The following RBM20 variants were observed in gnomAD, a reference collection of about 807,000 sequenced individuals.
RBM20 encodes the protein RNA binding motif protein 20.
In RBM20, 51 loss-of-function variants were observed where a neutral mutation model predicts 110.1. The observed-to-expected ratio is 0.46, with a 90% confidence interval of 0.37 to 0.59. The LOEUF is 0.59. RBM20 is among the 20% of genes least tolerant of loss of function. The pLI is 0.00. For synonymous variants in RBM20, 589 were observed against 618.2 expected, an observed-to-expected ratio of 0.95 and a Z score of 0.70; for missense variants, 1,512 against 1,574.9, an observed-to-expected ratio of 0.96 and a Z score of 0.68.
chr10:110,826,547 C>A (rs1486544190), intron 12 of RBM20, among the ~76,000 whole-genome samples: 2 of 150,336 alleles, frequency 1.3e-5, no homozygotes, highest in African/African-American at 4.9e-5. Context: ...TTCATCTGTA[C>A]TGTTGGGTGG....
At chr10:110,730,646 G>T (rs1454709987) in intron 1 of RBM20, among the ~76,000 whole-genome samples, 1 of 152,256 alleles carries the variant, frequency 6.6e-6, no homozygotes, top group East Asian at 1.9e-4. Flanking sequence ...TCAGCCCTCA[G>T]ACCATGCCAG....
intron 3 of RBM20, among the ~76,000 whole-genome samples, chr10:110,783,636 A>C (rs544644686): frequency 6.6e-6 from 1 of 152,342 alleles, no homozygotes; most frequent in Admixed American, 6.5e-5. Context: ...CCTGGTGGTA[A>C]ATGCTAGGCA....
At chr10:110,737,525 C>T (rs1323564547) in intron 1 of RBM20, among the ~76,000 whole-genome samples, 1 of 152,166 alleles carries the variant, frequency 6.6e-6, no homozygotes, top group Non-Finnish European at 1.5e-5. Flanking sequence ...CAGAACACTA[C>T]CAGCACCCCA....
At chr10:110,689,929 G>A (rs1294633463) in intron 1 of RBM20, among the ~76,000 whole-genome samples, 1 of 152,134 alleles carries the variant, frequency 6.6e-6, no homozygotes, top group Non-Finnish European at 1.5e-5. Flanking sequence ...ACTCATAAAA[G>A]AGATATCTTA....
intron 7 of RBM20, among the ~76,000 whole-genome samples, chr10:110,803,263 T>A (rs181453217): frequency 5.3e-4 from 81 of 152,334 alleles, no homozygotes; most frequent in Non-Finnish European, 1.0e-3. Context: ...GGAAGAGCTA[T>A]GATTAAAACT....
At chr10:110,753,138 C>A (rs966133678) in intron 1 of RBM20, among the ~76,000 whole-genome samples, 2 of 151,546 alleles carry the variant, frequency 1.3e-5, no homozygotes, top group Non-Finnish European at 2.9e-5. Flanking sequence ...GGGGTTTCAC[C>A]ATGTTGGTCA....
chr10:110,652,460 T>C (rs533380022), intron 1 of RBM20, among the ~76,000 whole-genome samples: 1 of 152,356 alleles, frequency 6.6e-6, no homozygotes, highest in African/African-American at 2.4e-5. Flanking sequence ...ACTATTTTTT[T>C]CTTTATCTAT....
rs72836954 is a variant in RBM20 at position 110,833,756 on chromosome 10, G to A, written c.3574-2112G>A. ...AGAGCCATTCTTGTAGTTCTCAAGT[G>A]CATTGGGGTAGACATTGGTTAAGCC... On this transcript the variant is annotated intron_variant, in intron 13 of 13. Coordinates refer to ENST00000369519, the MANE Select transcript of RBM20 (RefSeq NM_001134363.3). Among the ~76,000 whole-genome samples, 276 of 152,330 alleles carry A rather than the reference G, an allele frequency of 1.8e-3. 2 individuals are homozygous for A. Among genetic ancestry groups the A allele is most frequent in the Admixed American group, 5.2e-3 (79 of 15,306 alleles).
At chr10:110,692,752 G>T (rs1288956072) in intron 1 of RBM20, among the ~76,000 whole-genome samples, 1 of 152,010 alleles carries the variant, frequency 6.6e-6, no homozygotes, top group Non-Finnish European at 1.5e-5. Flanking sequence ...TTGCCTAATT[G>T]CCCTGTTTAG....
At chr10:110,809,672 A>C (rs1201733950) in intron 7 of RBM20, among the ~76,000 whole-genome samples, 1 of 152,170 alleles carries the variant, frequency 6.6e-6, no homozygotes, top group Non-Finnish European at 1.5e-5. Context: ...CCCGACTCCC[A>C]GCTTATGCCA....
chr10:110,799,337 G>A (rs149211059), intron 6 of RBM20, among the ~76,000 whole-genome samples: 103 of 152,292 alleles, frequency 6.8e-4, no homozygotes, highest in Middle Eastern at 6.8e-3. Context: ...ACAATGTCTG[G>A]TAACCCTGGG....
intron 7 of RBM20, among the ~76,000 whole-genome samples, chr10:110,802,905 G>A (rs995674265): frequency 1.3e-5 from 2 of 152,224 alleles, no homozygotes; most frequent in Non-Finnish European, 2.9e-5. Flanking sequence ...AGTGAGCTTA[G>A]AAAAGTTGCT....
intron 1 of RBM20, among the ~76,000 whole-genome samples, chr10:110,773,150 G>A (rs1570425): frequency 0.09 from 13,709 of 152,258 alleles, 813 homozygotes; most frequent in Non-Finnish European, 0.13. Flanking sequence ...GGTAGGTTAT[G>A]CATTTGTTCT....
rs556386394 is a variant in RBM20 at position 110,673,311 on chromosome 10, G to A, written c.191+28666G>A. On this transcript the variant is annotated intron_variant, in intron 1 of 13. Coordinates refer to ENST00000369519, the MANE Select transcript of RBM20 (RefSeq NM_001134363.3). ...ACAGCAACCTCTGCTTCTTGGGTTC[G>A]AGCAATTCTCCTGCCTCAGCTTCCC... Among the ~76,000 whole-genome samples the A allele has an allele frequency of 3.3e-4, 50 of 151,778 alleles. 3 individuals carry two copies. In the South Asian group the frequency reaches 8.1e-3, roughly 25 times the overall value.
intron 1 of RBM20, among the ~76,000 whole-genome samples, chr10:110,701,674 A>G (rs1862759281): frequency 6.6e-6 from 1 of 152,190 alleles, no homozygotes; most frequent in Non-Finnish European, 1.5e-5. Context: ...CAGGGATTTC[A>G]TGGTAGCTGT....
chr10:110,737,177 C>CAAAAAAAAAAAAAAAAAAAAAAA (rs550138775), intron 1 of RBM20, among the ~76,000 whole-genome samples: 719 of 26,426 alleles, frequency 0.027, 122 homozygotes, highest in Non-Finnish European at 0.041. Context: ...AACTCTGCCT[C>CAAAAAAAAAAAAAAAAAAAAAAA]AAAAAAAAAA....
rs867318887 is a variant in RBM20, at chr10:110,774,818, G to T, written c.192-5983G>T. Among the ~76,000 whole-genome samples the T allele has an allele frequency of 2.6e-5, 4 of 152,028 alleles. No homozygotes were observed. In the South Asian group the frequency reaches 8.3e-4, roughly 32 times the overall value. Reference sequence around the variant, plus strand: ...TTAGCCCCAATATGACTGTTGTGTTGTCATTGTCACCTTTGTAACCTGACA... The same window carrying T: ...TTAGCCCCAATATGACTGTTGTGTTTTCATTGTCACCTTTGTAACCTGACA... On this transcript the variant is annotated intron_variant, in intron 1 of 13. Coordinates refer to ENST00000369519, the MANE Select transcript of RBM20 (RefSeq NM_001134363.3).
chr10:110,659,761 T>C (rs59483642), intron 1 of RBM20, among the ~76,000 whole-genome samples: 4,460 of 151,628 alleles, frequency 0.029, 60 homozygotes, highest in Admixed American at 0.05. Context: ...CTTCTTCCTC[T>C]TCCTCTTCTT....
At chr10:110,810,549 T>C in intron 8 of RBM20, 87 bp downstream of exon 8, 7 of 920,664 alleles carry the variant, frequency 7.6e-6, no homozygotes, top group Non-Finnish European at 1.0e-5. Context: ...ATTTGAGTCA[T>C]GCTGTGCCCT....
Sources: gnomAD v4.1 joint callset for allele counts (sites outside exome capture counted in the v4.1 genomes callset) on GRCh38, gnomAD v4.1.1 for gene constraint, MANE v1.5 for transcripts, NCBI Gene and HGNC (gene_info 2026-07-23, HGNC 2026-07-21) for gene names.